The following ANKRD36C variants were observed in gnomAD, a reference collection of about 807,000 sequenced individuals.
ANKRD36C encodes ankyrin repeat domain 36C.
ANKRD36C carries 61 observed loss-of-function variants against 276.4 expected under a neutral mutation model. That is an observed-to-expected ratio of 0.22 (90% CI 0.18 to 0.27). The LOEUF (loss-of-function observed/expected upper bound fraction) is 0.27. Among genes scored for constraint, ANKRD36C ranks in the 10% least tolerant of loss-of-function variants. The pLI is 1.00. For synonymous variants in ANKRD36C, 483 were observed against 680.1 expected, an observed-to-expected ratio of 0.71 and a Z score of 4.51; for missense variants, 1,447 against 2,032.3, an observed-to-expected ratio of 0.71 and a Z score of 5.54.
chr2:95,926,843 A>C (rs1351151063), intron 28 of ANKRD36C, among the ~76,000 whole-genome samples: 2 of 151,532 alleles, frequency 1.3e-5, no homozygotes, highest in African/African-American at 4.8e-5. Flanking sequence ...CTATTACCAT[A>C]ATTTCTCCAT....
chr2:95,914,846 T>C (rs1388541892), intron 38 of ANKRD36C, among the ~76,000 whole-genome samples: 3 of 151,566 alleles, frequency 2.0e-5, no homozygotes, highest in East Asian at 3.9e-4. Flanking sequence ...GGATACCTGT[T>C]TGCTGATACC....
intron 62 of ANKRD36C, among the ~76,000 whole-genome samples, chr2:95,856,639 A>G (rs79522603): frequency 1.3e-5 from 2 of 152,176 alleles, no homozygotes; most frequent in African/African-American, 2.4e-5. Flanking sequence ...AAAATATTGT[A>G]TAGATATTCT....
At position 95,955,493 on chromosome 2, in the gene ANKRD36C, C is replaced by T. The variant is rs372963630; in HGVS notation, c.1136+1293G>A. ...TTAAACCAAATATTCAGATTTTTCC[C>T]TAAAACCCTCATTTCTATCAAACTA... On this transcript the variant is annotated intron_variant, in intron 13 of 66. Transcript: ENST00000456556. 1.1e-4 allele frequency among the ~76,000 whole-genome samples: 17 copies of T among 152,208 alleles called. No homozygotes were observed. The East Asian group carries it at 2.5e-3, about 22-fold the overall frequency.
intron 54 of ANKRD36C, 80 bp downstream of exon 74, chr2:95,884,093 C>T: frequency 6.9e-7 from 1 of 1,458,134 alleles, no homozygotes; most frequent in Non-Finnish European, 9.4e-7. Flanking sequence ...CTTCGACGAG[C>T]CCTCCGTTGA....
At position 95,887,917 on chromosome 2, in the gene ANKRD36C, G is replaced by A. The variant is rs13023700; in HGVS notation, c.3061+8C>T. The A allele has an allele frequency of 6.3e-7, 1 of 1,578,326 alleles. No homozygotes were observed. Among genetic ancestry groups the A allele is most frequent in the Non-Finnish European group, 8.6e-7 (1 of 1,160,972 alleles). ...GAACATGACATTAAATGTGTTTTGT[G>A]AAATTACCTGTTCCAGATTGTTGTC... On this transcript the variant is annotated splice_region_variant and intron_variant, in intron 50 of 66. Coordinates refer to ENST00000456556, the Ensembl canonical transcript of ANKRD36C.
At chr2:95,850,827 G>C (rs1228341610), downstream of ANKRD36C, among the ~76,000 whole-genome samples, 1 of 152,168 alleles carries the variant, frequency 6.6e-6, no homozygotes, top group Non-Finnish European at 1.5e-5. Context: ...CCTTAACCTT[G>C]AGAAGTTGAC....
chr2:95,897,553 T>C, intron 44 of ANKRD36C, 88 bp from the exon 59 acceptor site: 1 of 1,491,262 alleles, frequency 6.7e-7, no homozygotes, highest in South Asian at 1.2e-5. Context: ...TCAACCTCCG[T>C]CCTCCTGCCT....
At chr2:95,971,328 T>C (rs1678692358) in intron 6 of ANKRD36C, among the ~76,000 whole-genome samples, 1 of 140,164 alleles carries the variant, frequency 7.1e-6, no homozygotes, top group African/African-American at 2.5e-5. Flanking sequence ...TTTGGGTGAT[T>C]ATTATGATGC....
At chr2:95,909,492 A>T (rs1451865951) in intron 42 of ANKRD36C, among the ~76,000 whole-genome samples, 2 of 93,318 alleles carry the variant, frequency 2.1e-5, no homozygotes, top group African/African-American at 4.3e-5. Flanking sequence ...ATATTCATTG[A>T]AAATGACCAT....
At chr2:95,949,784 AG>A (rs1360675308) in intron 16 of ANKRD36C, among the ~76,000 whole-genome samples, 2 of 152,294 alleles carry the variant, frequency 1.3e-5, no homozygotes, top group Admixed American at 1.3e-4. Flanking sequence ...CAAGGATTCA[AG>A]TATAGAAGAT....
intron 65 of ANKRD36C, 110 bp from the exon 86 acceptor site, chr2:95,851,897 A>G (rs1323398431): frequency 8.3e-7 from 1 of 1,201,742 alleles, no homozygotes; most frequent in Non-Finnish European, 1.2e-6. Flanking sequence ...AGCAATCACA[A>G]AAGTAGACGA....
chr2:95,868,326 A>G (rs1017371549), intron 59 of ANKRD36C, among the ~76,000 whole-genome samples: 10 of 147,500 alleles, frequency 6.8e-5, no homozygotes, highest in African/African-American at 2.2e-4. Context: ...ATTTCTTTGG[A>G]GCAGGTAAGC....
At chr2:95,914,658 A>G (rs1677038467) in intron 38 of ANKRD36C, among the ~76,000 whole-genome samples, 1 of 151,538 alleles carries the variant, frequency 6.6e-6, no homozygotes, top group Admixed American at 6.6e-5. Flanking sequence ...AGCAGGTGCT[A>G]CATGATCCCA....
exon 39 of ANKRD36C, chr2:95,914,296 A>C: frequency 6.5e-7 from 1 of 1,549,290 alleles, no homozygotes; most frequent in Admixed American, 2.0e-5. Context: ...CTGGTTTCTC[A>C]GAAGTCACTG....
At chr2:95,886,828 T>C (rs1365971685) in intron 50 of ANKRD36C, among the ~76,000 whole-genome samples, 1 of 151,680 alleles carries the variant, frequency 6.6e-6, no homozygotes, top group Non-Finnish European at 1.5e-5. Flanking sequence ...CACACCCATG[T>C]GCTGTAATAA....
At chr2:95,917,089 C>G (rs72492169) in intron 36 of ANKRD36C, among the ~76,000 whole-genome samples, 8,360 of 151,534 alleles carry the variant, frequency 0.055, 338 homozygotes, top group East Asian at 0.18. Flanking sequence ...AGACGTAGCT[C>G]CTTGAACAAG....
intron 10 of ANKRD36C, among the ~76,000 whole-genome samples, chr2:95,960,176 C>T (rs1196811870): frequency 1.3e-5 from 2 of 152,006 alleles, no homozygotes; most frequent in African/African-American, 2.4e-5. Flanking sequence ...TTGATGGAGA[C>T]ATGCTGTAGA....
chr2:95,867,225 T>C (rs541005456), intron 60 of ANKRD36C, among the ~76,000 whole-genome samples: 7 of 152,298 alleles, frequency 4.6e-5, no homozygotes, highest in Non-Finnish European at 1.0e-4. Flanking sequence ...ACACTGTGTG[T>C]ATCATTCACA....
At chr2:95,934,068 A>T (rs1345042391) in intron 24 of ANKRD36C, among the ~76,000 whole-genome samples, 2 of 152,244 alleles carry the variant, frequency 1.3e-5, no homozygotes, top group Admixed American at 6.5e-5. Context: ...ATCTCATGCC[A>T]GTTAGAATGG....
Sources: allele counts gnomAD v4.1 joint callset (sites outside exome capture counted in the v4.1 genomes callset), GRCh38; gene constraint gnomAD v4.1.1; transcripts MANE v1.5; gene names NCBI Gene and HGNC (gene_info 2026-07-23, HGNC 2026-07-21).